The following MCPH1 variants were observed in gnomAD, a reference collection of about 807,000 sequenced individuals.
The protein encoded by MCPH1 is microcephalin 1.
A neutral mutation model predicts 84.5 loss-of-function variants in MCPH1; 104 were observed. The observed-to-expected ratio is 1.23, with a 90% CI of 1.05 to 1.45. The LOEUF (loss-of-function observed/expected upper bound fraction) is 1.45. Among genes scored for constraint, MCPH1 ranks in the 40% most tolerant of loss-of-function variants. MCPH1 has a pLI of 0.00. For missense variants in MCPH1, 1,498 were observed against 1,005.7 expected (o/e 1.49, Z -6.62); for synonymous variants, 514 against 366.8 (o/e 1.40, Z -4.58).
At chr8:6,531,464 T>C (rs1414914987) in intron 12 of MCPH1, among the ~76,000 whole-genome samples, 1 of 152,058 alleles carries the variant, frequency 6.6e-6, no homozygotes, top group African/African-American at 2.4e-5. Flanking sequence ...AATTTGTTTG[T>C]ATTTTTTAGT....
At chr8:6,592,628 T>G (rs1395944945) in intron 12 of MCPH1, among the ~76,000 whole-genome samples, 6 of 140,052 alleles carry the variant, frequency 4.3e-5, no homozygotes, top group African/African-American at 7.8e-5. Flanking sequence ...TTTTTGTTTT[T>G]TTTTTTTTTT....
At chr8:6,486,265 TC>T (rs1809898439) in intron 11 of MCPH1, among the ~76,000 whole-genome samples, 1 of 8,052 alleles carries the variant, frequency 1.2e-4, no homozygotes. Flanking sequence ...ACAAGGAATC[TC>T]TCTCTCTCTC....
At position 6,509,152 on chromosome 8, in the gene MCPH1, C is replaced by T. The variant is rs1027535928; in HGVS notation, c.2214+9223C>T. ...TTTTGTGATGAAGAATTCCATTCTA[C>T]AGAAGCGTGTTCTGTACTCGTTAAT... On this transcript the variant is annotated intron_variant, in intron 12 of 13. Coordinates refer to ENST00000344683, the MANE Select transcript of MCPH1 (RefSeq NM_024596.5). 7.3e-6 allele frequency: 11 copies of T among 1,516,306 alleles called. No homozygotes were observed. In the African/African-American group the frequency reaches 1.1e-4, roughly 15 times the overall value. The allele number at this position is 1,516,306 out of a possible 1,614,324, so 93.9% of individuals were successfully genotyped here. A position where few individuals can be genotyped will look rare whatever the true frequency, so the allele number is the denominator to read the frequency against.
intron 4 of MCPH1, among the ~76,000 whole-genome samples, chr8:6,433,410 A>G (rs1024301415): frequency 6.6e-6 from 1 of 152,138 alleles, no homozygotes; most frequent in Admixed American, 6.6e-5. Context: ...AGGCGGGCAA[A>G]TCAGTTGAGG....
chr8:6,610,608 T>A (rs1392018562), intron 12 of MCPH1, among the ~76,000 whole-genome samples: 1 of 152,178 alleles, frequency 6.6e-6, no homozygotes, highest in African/African-American at 2.4e-5. Context: ...CTCCCTGGTT[T>A]AAGGCTTTCT....
At chr8:6,601,774 C>A (rs1462520744) in intron 12 of MCPH1, among the ~76,000 whole-genome samples, 1 of 151,258 alleles carries the variant, frequency 6.6e-6, no homozygotes, top group African/African-American at 2.4e-5. Context: ...CACACCCAAT[C>A]ACGTACCACA....
intron 9 of MCPH1, among the ~76,000 whole-genome samples, chr8:6,476,302 G>A (rs749233366): frequency 7.2e-5 from 11 of 151,844 alleles, no homozygotes; most frequent in Non-Finnish European, 1.3e-4. Flanking sequence ...GGTAGTGGGC[G>A]CCTGTGATCC....
chr8:6,410,593 T>C (rs1798402020), intron 2 of MCPH1, among the ~76,000 whole-genome samples: 1 of 152,192 alleles, frequency 6.6e-6, no homozygotes, highest in Admixed American at 6.5e-5. Flanking sequence ...TGATACCAAA[T>C]AGGTATCTTT....
In MCPH1 at chr8:6,429,869, G is replaced by C. The variant is rs370134085; in HGVS notation, c.234-1630G>C. 3.9e-5 allele frequency among the ~76,000 whole-genome samples: 6 copies of C among 151,994 alleles called. No individual in the cohort carries two copies. The East Asian group carries it at 9.7e-4, about 24-fold the overall frequency. On this transcript the variant is annotated intron_variant, in intron 3 of 13. Coordinates refer to ENST00000344683, the MANE Select transcript of MCPH1 (RefSeq NM_024596.5). ...TGCCCACGACCCCTCCCTCACACCTGTCCCCATGCCCCAGACCCACAGGAC... is the reference window on the plus strand; with the variant it reads ...TGCCCACGACCCCTCCCTCACACCTCTCCCCATGCCCCAGACCCACAGGAC...
intron 13 of MCPH1, among the ~76,000 whole-genome samples, chr8:6,638,828 T>C (rs577103529): frequency 6.6e-6 from 1 of 152,314 alleles, no homozygotes; most frequent in Admixed American, 6.5e-5. Context: ...TGTTTACAGT[T>C]AGGAACGTGG....
At chr8:6,548,329 C>T (rs1822983732) in intron 12 of MCPH1, among the ~76,000 whole-genome samples, 1 of 152,160 alleles carries the variant, frequency 6.6e-6, no homozygotes, top group African/African-American at 2.4e-5. Flanking sequence ...AGCTGTTGGT[C>T]CCCTGCCACT....
At chr8:6,458,161 A>C (rs1440261119) in intron 9 of MCPH1, among the ~76,000 whole-genome samples, 1 of 152,182 alleles carries the variant, frequency 6.6e-6, no homozygotes, top group Non-Finnish European at 1.5e-5. Context: ...CTCTAAAATT[A>C]AAGACCAAGG....
chr8:6,595,358 T>C lies in MCPH1; in HGVS notation c.2215-26096T>C, dbSNP rs147001566. On this transcript the variant is annotated intron_variant, in intron 12 of 13. Transcript: ENST00000344683. ...AAACATGGGAGATGGGTCAGGAGTG[T>C]GGACTCGAGTCCACAGCGCTAAACT... Among the ~76,000 whole-genome samples the C allele has an allele frequency of 5.7e-3, 870 of 152,152 alleles. 9 individuals are homozygous for C. Among genetic ancestry groups the C allele is most frequent in the African/African-American group, 0.02 (816 of 41,506 alleles).
intron 12 of MCPH1, among the ~76,000 whole-genome samples, chr8:6,567,296 C>G (rs954533816): frequency 1.5e-4 from 5 of 34,368 alleles, no homozygotes; most frequent in Admixed American, 8.6e-4. Flanking sequence ...GGATAGTGTA[C>G]ACGGTGCGAT....
chr8:6,587,016 G>C (rs1394823321), intron 12 of MCPH1, among the ~76,000 whole-genome samples: 1 of 151,870 alleles, frequency 6.6e-6, no homozygotes, highest in Non-Finnish European at 1.5e-5. Context: ...TTACCACCCA[G>C]CGCTTTTCAT....
intron 12 of MCPH1, among the ~76,000 whole-genome samples, chr8:6,609,588 C>T (rs1563183956): frequency 6.6e-6 from 1 of 152,206 alleles, no homozygotes; most frequent in Non-Finnish European, 1.5e-5. Flanking sequence ...CCTTTAACTG[C>T]TAGTTCGTCA....
intron 12 of MCPH1, among the ~76,000 whole-genome samples, chr8:6,595,128 CAG>C (rs1388441721): frequency 6.6e-6 from 1 of 152,160 alleles, no homozygotes; most frequent in Non-Finnish European, 1.5e-5. Flanking sequence ...ATCAGTAAAA[CAG>C]AGATGATTGA....
At chr8:6,480,494 C>T (rs537519189) in intron 10 of MCPH1, among the ~76,000 whole-genome samples, 1 of 152,190 alleles carries the variant, frequency 6.6e-6, no homozygotes, top group Non-Finnish European at 1.5e-5. Context: ...AGCCTGTGGG[C>T]TTGTCTTCTC....
In MCPH1 at chr8:6,641,478, A is replaced by T. The variant is rs117352939; in HGVS notation, c.2453-1516A>T. Among the ~76,000 whole-genome samples, 1,092 of 152,368 alleles carry T rather than the reference A, an allele frequency of 7.2e-3. 55 individuals carry two copies. Among genetic ancestry groups the T allele is most frequent in the Admixed American group, 0.064 (981 of 15,302 alleles). On this transcript the variant is annotated intron_variant, in intron 13 of 13. Coordinates refer to ENST00000344683, the MANE Select transcript of MCPH1 (RefSeq NM_024596.5). ...AAAGTCAAGCCAGGTGTGGTGGGTT[A>T]TGTCTATAATCCCAGCATTTTGGAA...
Sources: gnomAD v4.1 joint callset for allele counts (sites outside exome capture counted in the v4.1 genomes callset) on GRCh38, gnomAD v4.1.1 for gene constraint, MANE v1.5 for transcripts, NCBI Gene and HGNC (gene_info 2026-07-23, HGNC 2026-07-21) for gene names.